LHFPL3: variants seen among roughly 807,000 people sequenced by gnomAD.
LHFPL3 encodes the protein LHFPL tetraspan subfamily member 3.
In LHFPL3, 5 loss-of-function variants were observed where a neutral mutation model predicts 19.3. The ratio of observed to expected loss-of-function variants is 0.26; its 90% CI spans 0.14 to 0.54. LHFPL3 has a LOEUF of 0.54. Among genes scored for constraint, LHFPL3 ranks in the 20% least tolerant of loss-of-function variants. LHFPL3 has a pLI of 0.94. For synonymous variants in LHFPL3, 133 were observed against 126.2 expected, an observed-to-expected ratio of 1.05 and a Z score of -0.36; for missense variants, 249 against 307.4, an observed-to-expected ratio of 0.81 and a Z score of 1.42.
intron 2 of LHFPL3, among the ~76,000 whole-genome samples, chr7:104,794,155 G>A (rs1790074024): frequency 2.0e-5 from 3 of 152,172 alleles, no homozygotes; most frequent in Admixed American, 2.0e-4. Flanking sequence ...AAAAGCCTCT[G>A]CATTCTCTTA....
At chr7:104,449,696 T>C (rs1792395580) in intron 1 of LHFPL3, among the ~76,000 whole-genome samples, 1 of 152,234 alleles carries the variant, frequency 6.6e-6, no homozygotes, top group Admixed American at 6.5e-5. Flanking sequence ...CTTTGCTTAA[T>C]ACATGTGTGA....
At chr7:104,793,211 A>G (rs923089216) in intron 2 of LHFPL3, among the ~76,000 whole-genome samples, 8 of 152,166 alleles carry the variant, frequency 5.3e-5, no homozygotes, top group Admixed American at 1.3e-4. Flanking sequence ...AGCATTTCTA[A>G]GATGCAGTCA....
intron 1 of LHFPL3, among the ~76,000 whole-genome samples, chr7:104,714,887 C>T (rs1002624876): frequency 3.9e-5 from 6 of 151,916 alleles, no homozygotes; most frequent in African/African-American, 7.3e-5. Flanking sequence ...TGTGTGTGTG[C>T]GCATGCACAC....
At position 104,336,503 on chromosome 7, in the gene LHFPL3, TAAAA is replaced by T. The variant is rs34831677; in HGVS notation, c.445+7289_445+7292del. Among the ~76,000 whole-genome samples the T allele has an allele frequency of 2.7e-5, 4 of 146,826 alleles. No homozygotes were observed. In the East Asian group the frequency reaches 7.9e-4, roughly 29 times the overall value. On this transcript the variant is annotated intron_variant, in intron 1 of 2. Transcript: ENST00000424859. The stretch of plus-strand genomic sequence containing the variant: ...GAGTGCATTTCTCACCTTTTTTGCT[TAAAA>T]AAAAAAAAAGAAAAATAAGGGGCTT...
intron 1 of LHFPL3, among the ~76,000 whole-genome samples, chr7:104,481,292 A>G (rs1057206053): frequency 1.3e-5 from 2 of 152,162 alleles, no homozygotes; most frequent in African/African-American, 4.8e-5. Flanking sequence ...TTTCAGAAAG[A>G]ATCTTTCTGA....
At chr7:104,820,848 T>C (rs1790663343) in intron 2 of LHFPL3, among the ~76,000 whole-genome samples, 1 of 152,162 alleles carries the variant, frequency 6.6e-6, no homozygotes, top group East Asian at 1.9e-4. Context: ...ATAAGCCCAC[T>C]ACCAACAAAC....
At chr7:104,336,794 A>T (rs2106504) in intron 1 of LHFPL3, among the ~76,000 whole-genome samples, 26,547 of 152,158 alleles carry the variant, frequency 0.17, 2,788 homozygotes, top group Admixed American at 0.31. Flanking sequence ...GGAAATTTTA[A>T]GATTATGACT....
At chr7:104,904,474 A>G (rs1055837356) in intron 2 of LHFPL3, among the ~76,000 whole-genome samples, 4 of 152,178 alleles carry the variant, frequency 2.6e-5, no homozygotes, top group Admixed American at 2.6e-4. Flanking sequence ...AACATGGCAA[A>G]ACCCTGTCTC....
chr7:104,690,060 G>C (rs1792880207), intron 1 of LHFPL3, among the ~76,000 whole-genome samples: 2 of 152,226 alleles, frequency 1.3e-5, no homozygotes, highest in African/African-American at 4.8e-5. Context: ...GGATTGCAGA[G>C]ATTAGTGCCA....
At chr7:104,396,775 G>A (rs987985296) in intron 1 of LHFPL3, among the ~76,000 whole-genome samples, 3 of 151,832 alleles carry the variant, frequency 2.0e-5, no homozygotes, top group Non-Finnish European at 2.9e-5. Context: ...TGGGCAACAC[G>A]GCAAAATCCT....
intron 1 of LHFPL3, among the ~76,000 whole-genome samples, chr7:104,621,960 C>A (rs1791453260): frequency 6.6e-6 from 1 of 152,164 alleles, no homozygotes; most frequent in Admixed American, 6.5e-5. Flanking sequence ...AAACATTCTT[C>A]CCACCCCAGA....
chr7:104,594,978 T>C (rs759210103), intron 1 of LHFPL3, among the ~76,000 whole-genome samples: 1 of 152,198 alleles, frequency 6.6e-6, no homozygotes, highest in Non-Finnish European at 1.5e-5. Flanking sequence ...TACGATGGGT[T>C]CAAACGTCCT....
At chr7:104,592,976 G>C (rs78917164) in intron 1 of LHFPL3, among the ~76,000 whole-genome samples, 1 of 152,100 alleles carries the variant, frequency 6.6e-6, no homozygotes, top group African/African-American at 2.4e-5. Flanking sequence ...GGGTGGCATT[G>C]AATGAAACCA....
intron 1 of LHFPL3, among the ~76,000 whole-genome samples, chr7:104,344,540 T>A (rs188730614): frequency 3.3e-5 from 5 of 152,360 alleles, no homozygotes; most frequent in African/African-American, 1.2e-4. Context: ...CTGAGTTACT[T>A]CACTTAGAGT....
intron 2 of LHFPL3, among the ~76,000 whole-genome samples, chr7:104,839,582 T>G (rs1325914087): frequency 6.6e-6 from 1 of 151,402 alleles, no homozygotes; most frequent in Non-Finnish European, 1.5e-5. Context: ...GGCACAAGAG[T>G]CATTTGAATC....
intron 1 of LHFPL3, among the ~76,000 whole-genome samples, chr7:104,390,781 G>A (rs985367405): frequency 3.3e-5 from 5 of 152,304 alleles, no homozygotes; most frequent in African/African-American, 1.2e-4. Context: ...AATGGCTGAA[G>A]TAGTTTACAG....
intron 1 of LHFPL3, among the ~76,000 whole-genome samples, chr7:104,540,377 AGT>A (rs889651910): frequency 2.6e-5 from 4 of 152,180 alleles, no homozygotes; most frequent in Non-Finnish European, 5.9e-5. Context: ...TTTGGCAATG[AGT>A]GAAAATATTT....
At chr7:104,637,512 A>G (rs1003447917) in intron 1 of LHFPL3, among the ~76,000 whole-genome samples, 5 of 152,104 alleles carry the variant, frequency 3.3e-5, no homozygotes, top group African/African-American at 1.2e-4. Context: ...TTATAGTTTT[A>G]GATTTTGGAT....
At chr7:104,493,831 A>G (rs1449435039) in intron 1 of LHFPL3, among the ~76,000 whole-genome samples, 2 of 152,024 alleles carry the variant, frequency 1.3e-5, no homozygotes, top group Non-Finnish European at 2.9e-5. Context: ...TCTCTGTACC[A>G]TGCTACACAC....
Sources: allele counts gnomAD v4.1 joint callset (sites outside exome capture counted in the v4.1 genomes callset), GRCh38; gene constraint gnomAD v4.1.1; transcripts MANE v1.5; gene names NCBI Gene and HGNC (gene_info 2026-07-23, HGNC 2026-07-21).